Variants in BCCIP observed in about 807,000 individuals in gnomAD.
BCCIP encodes the protein BRCA2 and CDKN1A-interacting protein.
BCCIP carries 23 observed loss-of-function variants against 32.8 expected under a neutral mutation model. The ratio of observed to expected loss-of-function variants is 0.70; its 90% CI spans 0.51 to 0.99. The LOEUF is 0.99. Ranked by LOEUF, BCCIP falls within the 50% of genes least tolerant of loss-of-function variation. The probability of loss-of-function intolerance (pLI) is 0.00; values close to 1 mark genes in which losing one functional copy is unlikely to be tolerated. For missense variants in BCCIP, 378 were observed against 379.8 expected (o/e 1.00, Z 0.04); for synonymous variants, 144 against 137.6 (o/e 1.05, Z -0.33).
At chr10:125,835,787 A>AATTT (rs1854664983) in intron 6 of BCCIP, among the ~76,000 whole-genome samples, 3 of 152,216 alleles carry the variant, frequency 2.0e-5, no homozygotes, top group Admixed American at 6.5e-5. Flanking sequence ...ATCAAATTTT[A>AATTT]CAAGTCTTAA....
intron 1 of BCCIP, 72 bp downstream of exon 1, chr10:125,823,794 A>G: frequency 1.3e-6 from 2 of 1,581,228 alleles, no homozygotes; most frequent in South Asian, 1.2e-5. Flanking sequence ...GCTGTGTAAA[A>G]ATAGTGTAGG....
chr10:125,836,309 G>C lies in BCCIP; in HGVS notation c.*35G>C. 2.5e-6 allele frequency: 4 copies of C among 1,612,408 alleles called. No individual in the cohort carries two copies. The highest frequency in any genetic ancestry group is 2.5e-6 in the Non-Finnish European group (3 of 1,179,494). ...AATGGACAGTGATGGGCTTGTTTTT[G>C]TAAAATTACCAGAAAACTCAGTGGA... On this transcript the variant is annotated 3_prime_UTR_variant, in exon 7 of 7. Coordinates refer to ENST00000278100, the MANE Select transcript of BCCIP (RefSeq NM_078468.3).
chr10:125,832,386 C>T (rs1380235495), intron 5 of BCCIP, among the ~76,000 whole-genome samples: 2 of 151,990 alleles, frequency 1.3e-5, no homozygotes, highest in Non-Finnish European at 2.9e-5. Context: ...ATAGCCCTTG[C>T]GTTGTGGTTT....
At chr10:125,845,539 G>T (rs1223814832), downstream of BCCIP, among the ~76,000 whole-genome samples, 1 of 152,114 alleles carries the variant, frequency 6.6e-6, no homozygotes, top group Non-Finnish European at 1.5e-5. Flanking sequence ...ATAGGGCAGG[G>T]GGTCTCCTGG....
Position 125,823,549 on chromosome 10 carries a change from A to C in BCCIP, c.-9A>C, listed in dbSNP as rs370316750. On this transcript the variant is annotated 5_prime_UTR_variant, in exon 1 of 7. Transcript: ENST00000278100. ...GGGGAAGCTGCGCAGGCGCAGTGTG[A>C]GCGGCAACATGGCGTCCAGGTCTAA... 9.3e-6 allele frequency: 15 copies of C among 1,613,054 alleles called. No homozygotes were observed. The African/African-American group carries it at 2.0e-4, about 22-fold the overall frequency.
At chr10:125,839,251 G>C, downstream of BCCIP, 2 of 1,540,762 alleles carry the variant, frequency 1.3e-6, no homozygotes, top group Admixed American at 3.6e-5. Context: ...AAGAGCCCAG[G>C]CCAGGCAGTT....
exon 7 of BCCIP, chr10:125,842,670 G>T (rs1194241228): frequency 4.9e-6 from 1 of 204,944 alleles, no homozygotes; most frequent in East Asian, 1.8e-4. Flanking sequence ...ATCCAGTAGA[G>T]AGGCATGAAA....
At chr10:125,832,554 G>T (rs986872296) in intron 5 of BCCIP, among the ~76,000 whole-genome samples, 1 of 150,294 alleles carries the variant, frequency 6.7e-6, no homozygotes, top group African/African-American at 2.4e-5. Flanking sequence ...GTTTTTTTTT[G>T]GTTTTCTTTT....
intron 7 of BCCIP, chr10:125,853,023 C>G: frequency 1.2e-6 from 1 of 835,220 alleles, no homozygotes. Flanking sequence ...TCAAATCAAC[C>G]AGGATCTTGG....
intron 1 of BCCIP, among the ~76,000 whole-genome samples, chr10:125,824,652 GACT>G: frequency 6.6e-6 from 1 of 151,220 alleles, no homozygotes; most frequent in East Asian, 1.9e-4. Flanking sequence ...CTCTTGCCTG[GACT>G]ACTATTTAAT....
downstream of BCCIP, chr10:125,841,350 A>G (rs1314305100): frequency 1.9e-6 from 3 of 1,614,116 alleles, no homozygotes; most frequent in East Asian, 4.5e-5. Context: ...TTCCCCCAGT[A>G]TTAGAATAAA....
chr10:125,832,301 G>T (rs1854540564), intron 5 of BCCIP, among the ~76,000 whole-genome samples: 1 of 151,700 alleles, frequency 6.6e-6, no homozygotes, highest in East Asian at 1.9e-4. Flanking sequence ...CGGCCTCCCA[G>T]TGTTGGGATT....
At position 125,823,701 on chromosome 10, in the gene BCCIP, A is replaced by G. The variant is rs975546277; in HGVS notation, c.144A>G (p.Glu48=). The G allele has an allele frequency of 1.2e-6, 2 of 1,614,078 alleles. No homozygotes were observed. The highest frequency in any genetic ancestry group is 1.7e-6 in the Non-Finnish European group (2 of 1,180,038). ...ATGACAGTGACAAGGAAAAGGATGAAGAGGACGAGGTCATTGACGAGGTGA... is the reference window on the plus strand; with the variant it reads ...ATGACAGTGACAAGGAAAAGGATGAGGAGGACGAGGTCATTGACGAGGTGA... ...DDDDSDKEKD[E]EDEVIDEEVN... is the part of the protein sequence containing the mutation. Residue 48 remains glutamate (E), a synonymous_variant, in exon 1 of 7, where the codon GAA becomes GAG. Transcript: ENST00000278100.
At chr10:125,838,293 T>C, downstream of BCCIP, 3 of 1,614,060 alleles carry the variant, frequency 1.9e-6, no homozygotes, top group Non-Finnish European at 2.5e-6. Flanking sequence ...TGGCATCTTC[T>C]TGGTGATTGA....
At chr10:125,838,480 A>T, downstream of BCCIP, 8 of 1,191,502 alleles carry the variant, frequency 6.7e-6, no homozygotes, top group Non-Finnish European at 9.1e-6. Context: ...AAAGTATTTT[A>T]TACGGGATAG....
rs1356475426 is a variant in BCCIP at position 125,836,514 on chromosome 10, G to A, written c.*240G>A. 2 of 1,344,202 alleles carry A rather than the reference G, an allele frequency of 1.5e-6. No homozygotes were observed. The highest frequency in any genetic ancestry group is 1.9e-6 in the Non-Finnish European group (2 of 1,031,012). 83.3% of individuals were successfully genotyped at this position (1,344,202 alleles called of 1,614,324 possible). On this transcript the variant is annotated 3_prime_UTR_variant, in exon 7 of 7. Transcript: ENST00000278100. ...GAAAAGCATGGAGTAGTAATTTAAAGAACTCAATAAAAACTTCTATTTTTT... is the reference window on the plus strand; with the variant it reads ...GAAAAGCATGGAGTAGTAATTTAAAAAACTCAATAAAAACTTCTATTTTTT...
Position 125,836,135 on chromosome 10 carries a change from A to G in BCCIP, c.806A>G (p.Gln269Arg), listed in dbSNP as rs1446145593. ...ATTCTCAAGTTCAACTACTCAGTGCAGGAGGAGAGCGACACTTGTCTGGGA... is the reference window on the plus strand; with the variant it reads ...ATTCTCAAGTTCAACTACTCAGTGCGGGAGGAGAGCGACACTTGTCTGGGA... ...KAILKFNYSV[Q>R]EESDTCLGGK... is the part of the protein sequence containing the mutation. Residue 269 changes from glutamine to arginine, a missense_variant, in exon 7 of 7, where the codon CAG (glutamine) becomes CGG (arginine). Physicochemically the swap from Gln to Arg is conservative, Grantham distance 43 (BLOSUM62 1). Transcript: ENST00000278100. The G allele has an allele frequency of 5.0e-6, 8 of 1,614,144 alleles. No individual in the cohort carries two copies. Among genetic ancestry groups the G allele is most frequent in the Non-Finnish European group, 5.9e-6 (7 of 1,179,936 alleles).
downstream of BCCIP, among the ~76,000 whole-genome samples, chr10:125,843,640 C>T (rs963273979): frequency 1.3e-5 from 2 of 151,996 alleles, no homozygotes; most frequent in East Asian, 1.9e-4. Context: ...TCACAAACTT[C>T]GATTTGATAA....
At chr10:125,832,960 C>T (rs940665052) in intron 5 of BCCIP, among the ~76,000 whole-genome samples, 10 of 151,396 alleles carry the variant, frequency 6.6e-5, no homozygotes, top group Non-Finnish European at 1.5e-4. Flanking sequence ...ACTAAAAATA[C>T]ACCCACAAAA....
Sources: allele counts gnomAD v4.1 joint callset (sites outside exome capture counted in the v4.1 genomes callset), GRCh38; gene constraint gnomAD v4.1.1; transcripts MANE v1.5; gene names NCBI Gene and HGNC (gene_info 2026-07-23, HGNC 2026-07-21).